C4orf51: variants seen among roughly 807,000 people sequenced by gnomAD.
C4orf51 encodes chromosome 4 open reading frame 51.
Under a neutral mutation model 25.2 loss-of-function variants are expected in C4orf51, and 25 were observed. That is an observed-to-expected ratio of 0.99 (90% CI 0.72 to 1.39). The LOEUF (loss-of-function observed/expected upper bound fraction) is 1.39. C4orf51 is among the 40% of genes most tolerant of loss of function. The probability of loss-of-function intolerance (pLI) is 0.00; values close to 1 mark genes in which losing one functional copy is unlikely to be tolerated. For synonymous variants in C4orf51, 100 were observed against 84.5 expected (o/e 1.18, Z -1.01); for missense variants, 252 against 239.6 (o/e 1.05, Z -0.34).
At chr4:145,785,303 G>A in the C4orf51 span, among the ~76,000 whole-genome samples, 5 of 152,220 alleles carry the variant, frequency 3.3e-5, no homozygotes, top group Middle Eastern at 3.4e-3. Flanking sequence ...TATTCAAGGG[G>A]ACATGTCTCA....
At chr4:145,734,611 C>G (rs1732703065), downstream of C4orf51, among the ~76,000 whole-genome samples, 1 of 152,176 alleles carries the variant, frequency 6.6e-6, no homozygotes, top group African/African-American at 2.4e-5. Flanking sequence ...CCCACTCCCG[C>G]CCTGACCGTG....
downstream of C4orf51, among the ~76,000 whole-genome samples, chr4:145,754,927 ACT>A (rs562708660): frequency 7.2e-4 from 110 of 152,146 alleles, no homozygotes; most frequent in African/African-American, 2.6e-3. Context: ...CAGAATTGAG[ACT>A]CTGTTTCAAG....
intron 2 of C4orf51, among the ~76,000 whole-genome samples, chr4:145,709,764 C>T (rs571406140): frequency 5.9e-5 from 9 of 152,250 alleles, no homozygotes; most frequent in African/African-American, 1.9e-4. Context: ...TTAGTCCCAC[C>T]ATTCTCATGA....
At chr4:145,707,712 T>G (rs1354965704) in intron 2 of C4orf51, among the ~76,000 whole-genome samples, 1 of 152,226 alleles carries the variant, frequency 6.6e-6, no homozygotes, top group East Asian at 1.9e-4. Flanking sequence ...GTGAATTTTT[T>G]CTTTTGGAGG....
downstream of C4orf51, among the ~76,000 whole-genome samples, chr4:145,733,159 G>A (rs1453597786): frequency 3.0e-5 from 3 of 99,102 alleles, no homozygotes; most frequent in East Asian, 1.0e-3. Context: ...CCGCCCACCC[G>A]CCGCCTGCCC....
chr4:145,732,372 G>A, intron 5 of C4orf51, 81 bp from the exon 6 acceptor site: 1 of 812,434 alleles, frequency 1.2e-6, no homozygotes, highest in South Asian at 1.6e-5. Context: ...TGGTTTGGAA[G>A]AGACCATTTA....
chr4:145,733,505 A>G (rs963010585), downstream of C4orf51, among the ~76,000 whole-genome samples: 2 of 152,216 alleles, frequency 1.3e-5, no homozygotes, highest in Non-Finnish European at 2.9e-5. Context: ...TTACTAAAGT[A>G]GCCGCCTCCT....
chr4:145,700,754 C>A (rs2126702776), intron 2 of C4orf51, among the ~76,000 whole-genome samples: 1 of 152,236 alleles, frequency 6.6e-6, no homozygotes, highest in South Asian at 2.1e-4. Flanking sequence ...TCTTTCTAAT[C>A]TTCCTTTTCT....
chr4:145,772,323 A>G (rs1736417878), downstream of C4orf51, among the ~76,000 whole-genome samples: 1 of 152,228 alleles, frequency 6.6e-6, no homozygotes, highest in Admixed American at 6.5e-5. Flanking sequence ...TATATGTCAT[A>G]TAACATATAT....
At chr4:145,734,357 G>A (rs539763532), downstream of C4orf51, among the ~76,000 whole-genome samples, 3 of 152,232 alleles carry the variant, frequency 2.0e-5, no homozygotes, top group South Asian at 6.2e-4. Context: ...AGAAAGTGGA[G>A]GGGCTTCGGG....
intron 1 of C4orf51, 45 bp from the exon 2 acceptor site, chr4:145,696,514 A>C (rs1214191247): frequency 2.8e-6 from 4 of 1,450,516 alleles, no homozygotes; most frequent in Non-Finnish European, 3.9e-6. Flanking sequence ...TGTGATTTAT[A>C]AATCCATAAA....
downstream of C4orf51, among the ~76,000 whole-genome samples, chr4:145,755,320 T>C (rs1445170443): frequency 6.6e-6 from 1 of 151,936 alleles, no homozygotes; most frequent in Non-Finnish European, 1.5e-5. Context: ...ATTTTCTCAC[T>C]ATACAGGGTA....
intron 1 of C4orf51, among the ~76,000 whole-genome samples, chr4:145,690,106 C>T (rs1345947284): frequency 6.6e-6 from 1 of 151,814 alleles, no homozygotes; most frequent in Non-Finnish European, 1.5e-5. Context: ...ACTCGGGAGG[C>T]TGAGGCAGGA....
intron 1 of C4orf51, among the ~76,000 whole-genome samples, chr4:145,688,624 T>C (rs1227457040): frequency 6.6e-6 from 1 of 152,222 alleles, no homozygotes; most frequent in East Asian, 1.9e-4. Context: ...ATTGTAAGTT[T>C]CCTGAGGCCT....
At chr4:145,711,960 C>T (rs1015802107) in intron 2 of C4orf51, among the ~76,000 whole-genome samples, 1 of 152,062 alleles carries the variant, frequency 6.6e-6, no homozygotes, top group Non-Finnish European at 1.5e-5. Context: ...TGATAATTCT[C>T]ACAATATTTT....
chr4:145,789,853 A>T, the C4orf51 span, among the ~76,000 whole-genome samples: 1 of 152,218 alleles, frequency 6.6e-6, no homozygotes, highest in Non-Finnish European at 1.5e-5. Flanking sequence ...TATTGAGGCA[A>T]CCTAAATGCT....
At chr4:145,682,839 A>T (rs1194090582) in intron 1 of C4orf51, among the ~76,000 whole-genome samples, 1 of 152,172 alleles carries the variant, frequency 6.6e-6, no homozygotes, top group African/African-American at 2.4e-5. Flanking sequence ...ACATTTTGGA[A>T]TTCCTAAGAC....
At chr4:145,700,671 C>T (rs1730377769) in intron 2 of C4orf51, among the ~76,000 whole-genome samples, 1 of 152,156 alleles carries the variant, frequency 6.6e-6, no homozygotes, top group Admixed American at 6.5e-5. Flanking sequence ...AGTCTCTGTG[C>T]CCAGTGCAAC....
chr4:145,768,296 C>G (rs146033915), intron 1 of C4orf51, among the ~76,000 whole-genome samples: 78 of 152,246 alleles, frequency 5.1e-4, no homozygotes, highest in African/African-American at 1.8e-3. Context: ...TCCCAAGTAG[C>G]TGGGATTACA....
Sources: allele counts gnomAD v4.1 joint callset (sites outside exome capture counted in the v4.1 genomes callset), GRCh38; gene constraint gnomAD v4.1.1; transcripts MANE v1.5; gene names NCBI Gene and HGNC (gene_info 2026-07-23, HGNC 2026-07-21).